KDM6B: variants seen among roughly 807,000 people sequenced by gnomAD.
KDM6B encodes lysine demethylase 6B.
KDM6B carries 22 observed loss-of-function variants against 150.4 expected under a neutral mutation model. The ratio of observed to expected loss-of-function variants is 0.15; its 90% CI spans 0.10 to 0.21. KDM6B has a LOEUF of 0.21. KDM6B is among the 10% of genes least tolerant of loss of function. The probability of loss-of-function intolerance (pLI) is 1.00; values close to 1 mark genes in which losing one functional copy is unlikely to be tolerated. For synonymous variants in KDM6B, 1,148 were observed against 921.1 expected (o/e 1.25, Z -4.46); for missense variants, 1,984 against 2,234.3 (o/e 0.89, Z 2.26).
Position 7,848,620 on chromosome 17 carries a change from C to T in KDM6B, c.2332C>T (p.Pro778Ser), listed in dbSNP as rs527352245. The T allele has an allele frequency of 7.5e-6, 12 of 1,596,818 alleles. No individual in the cohort carries two copies. In the South Asian group the frequency reaches 1.1e-4, roughly 15 times the overall value. ...EKKPPPALPP[P>S]PPLAKFPPPS... ...GAAGCCACCACCAGCCCTACCACCA[C>T]CACCGCCTCTAGCCAAGTTCCCTCC... Residue 778 changes from proline (P) to serine (S), a missense_variant, in exon 12 of 24, where the codon CCA becomes TCA. Transcript: ENST00000448097.
chr17:7,847,301 G>A lies in KDM6B; in HGVS notation c.1106G>A (p.Arg369Gln), dbSNP rs766668607. Residue 369 changes from arginine (R) to glutamine (Q), a missense_variant, in exon 11 of 24, where the codon CGG (arginine) becomes CAG (glutamine). By Grantham distance (43) the Arg-to-Gln change is conservative. This residue lies in a region of KDM6B where 1,379 missense variants were observed against 1,275.6 expected (regional missense o/e 1.08). Transcript: ENST00000448097. The stretch of plus-strand genomic sequence containing the variant: ...AGAGAGAGCAGAGTTCAGAGGTCGC[G>A]GATGGACTCCAGCGTTTCACCAGCA... ...DLRESRVQRS[R>Q]MDSSVSPAAT... The A allele has an allele frequency of 6.8e-6, 11 of 1,606,602 alleles. No individual in the cohort carries two copies. Among genetic ancestry groups the A allele is most frequent in the East Asian group, 2.2e-5 (1 of 44,826 alleles).
Position 7,845,624 on chromosome 17 carries a change from T to C in KDM6B, c.70T>C (p.Cys24Arg). 2 of 1,614,170 alleles carry C rather than the reference T, an allele frequency of 1.2e-6. No homozygotes were observed. The highest frequency in any genetic ancestry group is 1.7e-6 in the Non-Finnish European group (2 of 1,180,026). ...AGCCTTTGCCCTTGGGGGCCTGAGC[T>C]GTGCTGGGGCCTGGAGCTCCTGCCC... ...REAFALGGLSCAGAWSSCPPH... is the reference protein window; with the variant it reads ...REAFALGGLSRAGAWSSCPPH... The change falls in exon 5 of 24, where the codon TGT becomes CGT. Residue 24 changes from cysteine to arginine, a missense_variant. Cys to Arg is a radical substitution (Grantham distance 180). Transcript: ENST00000448097.
rs760306101 is a variant in KDM6B at position 7,852,118 on chromosome 17, A to G, written c.4281-31A>G. The G allele has an allele frequency of 8.1e-6, 13 of 1,613,850 alleles. No individual in the cohort carries two copies. In the Admixed American group the frequency reaches 2.2e-4, roughly 27 times the overall value. On this transcript the variant is annotated intron_variant, in intron 19 of 23. Coordinates refer to ENST00000448097, the MANE Select transcript of KDM6B (RefSeq NM_001348716.2). ...TGCCGCGTCCCCGCCCTCGGTCCCC[A>G]GTTCCCACCTGACCTGTGGCCACCC...
chr17:7,842,450 T>C (rs2078436870), intron 2 of KDM6B, among the ~76,000 whole-genome samples: 1 of 152,232 alleles, frequency 6.6e-6, no homozygotes, highest in South Asian at 2.1e-4. Context: ...CGCGTGCGTC[T>C]ACCTCTCGCC....
chr17:7,846,371 G>GGGGCGGGCCCGGGGGGCCCCCCCCCCCC, intron 7 of KDM6B, 29 bp from the exon 8 acceptor site: 1 of 1,488,926 alleles, frequency 6.7e-7, no homozygotes, highest in Non-Finnish European at 9.2e-7. Flanking sequence ...CCTGACATCT[G>GGGGCGGGCCCGGGGGGCCCCCCCCCCCC]CCCCTGCCCC....
In KDM6B at chr17:7,853,255, C is replaced by T. The variant is rs2078739398; in HGVS notation, c.4783C>T (p.Arg1595Cys). Reference protein sequence around the residue: ...ILFVTSENGSRNTYLVHCEGC... With the variant: ...ILFVTSENGSCNTYLVHCEGC... ...GTTCGTGACAAGTGAGAATGGCAGC[C>T]GCAACACGTACCTGGTACACTGCGA... is the stretch of plus-strand genomic sequence containing the variant. Residue 1595 changes from arginine (R) to cysteine (C), a missense_variant, in exon 23 of 24, where the codon CGC (arginine) becomes TGC (cysteine). Coordinates refer to ENST00000448097, the MANE Select transcript of KDM6B (RefSeq NM_001348716.2). 1.9e-6 allele frequency: 3 copies of T among 1,610,898 alleles called. No homozygotes were observed. Among genetic ancestry groups the T allele is most frequent in the African/African-American group, 1.3e-5 (1 of 74,898 alleles).
chr17:7,844,021 C>G lies in KDM6B; in HGVS notation c.-268-880C>G, dbSNP rs1220769641. On this transcript the variant is annotated intron_variant, in intron 2 of 23. Transcript: ENST00000448097. This position sits in a 1 kb window ranked among gnomAD's most constrained non-coding sequence, Gnocchi z 5.9. Reference sequence around the variant, plus strand: ...TGAGAGTGGGACAAGGGTGATGTCACTGCCTGTCGGGCCCCGCCCTCCTCC... The same window carrying G: ...TGAGAGTGGGACAAGGGTGATGTCAGTGCCTGTCGGGCCCCGCCCTCCTCC... 6.6e-6 allele frequency among the ~76,000 whole-genome samples: 1 copy of G among 151,554 alleles called. No individual in the cohort carries two copies. The highest frequency in any genetic ancestry group is 2.4e-5 in the African/African-American group (1 of 41,226).
In KDM6B at chr17:7,848,160, C is replaced by A. The variant is rs376598074; in HGVS notation, c.1872C>A (p.Arg624=). ...CHQNTSGSFR[R]PESPRPRVSF... The stretch of plus-strand genomic sequence containing the variant: ...AAAATACCTCAGGAAGCTTCAGGCG[C>A]CCGGAGAGCCCCCGGCCCAGGGTCT... Residue 624 remains arginine (R), a synonymous_variant, in exon 12 of 24, where the codon CGC becomes CGA. Coordinates refer to ENST00000448097, the MANE Select transcript of KDM6B (RefSeq NM_001348716.2). The A allele has an allele frequency of 1.3e-4, 203 of 1,612,788 alleles. No individual in the cohort carries two copies. The African/African-American group carries it at 2.1e-3, about 16-fold the overall frequency.
In KDM6B at chr17:7,843,784, C is replaced by T. The variant is rs1338346858; in HGVS notation, c.-268-1117C>T. On this transcript the variant is annotated intron_variant, in intron 2 of 23. Transcript: ENST00000448097. The surrounding 1 kb of genome is among the most constrained non-coding windows in gnomAD (Gnocchi z 4.5). ...CCCGGGAGCCGAGTCGGCTCCCTAC[C>T]TGCGGGGACGCCGGGTAGGCAAGGA... 6.6e-6 allele frequency among the ~76,000 whole-genome samples: 1 copy of T among 152,140 alleles called. No homozygotes were observed. Among genetic ancestry groups the T allele is most frequent in the Non-Finnish European group, 1.5e-5 (1 of 68,020 alleles).
rs772189187 is a variant in KDM6B at position 7,849,845 on chromosome 17, T to C, written c.3465T>C (p.Phe1155=). Residue 1155 remains phenylalanine, a synonymous_variant, in exon 13 of 24, where the codon TTT becomes TTC. Coordinates refer to ENST00000448097, the MANE Select transcript of KDM6B (RefSeq NM_001348716.2). ...GGAATGCCAAGGTGAAAGGGAAGTT[T>C]CGAGAGTCCTACCTTTCCCCTGCCC... ...ASRNAKVKGK[F]RESYLSPAQS... 1 of 1,613,188 alleles carries C rather than the reference T, an allele frequency of 6.2e-7. No individual in the cohort carries two copies.
chr17:7,847,593 T>C lies in KDM6B; in HGVS notation c.1305T>C (p.His435=), dbSNP rs758711112. ...YQTPALEVSH[H]GRLGPSAHSS... ...CTCCCGCGCTGGAGGTCTCTCACCA[T>C]GGCCGCCTGGGGCCCTCGGCACACA... The change falls in exon 12 of 24, where the codon CAT becomes CAC. Residue 435 remains histidine, a synonymous_variant. Coordinates refer to ENST00000448097, the MANE Select transcript of KDM6B (RefSeq NM_001348716.2). 1 of 1,612,628 alleles carries C rather than the reference T, an allele frequency of 6.2e-7. No homozygotes were observed. Among genetic ancestry groups the C allele is most frequent in the Non-Finnish European group, 8.5e-7 (1 of 1,179,694 alleles).
Position 7,843,596 on chromosome 17 carries a change from C to T in KDM6B, c.-268-1305C>T, listed in dbSNP as rs886709338. 1.3e-5 allele frequency among the ~76,000 whole-genome samples: 2 copies of T among 152,182 alleles called. No homozygotes were observed. The highest frequency in any genetic ancestry group is 4.8e-5 in the African/African-American group (2 of 41,460). ...TCCCCACAGCGCAGACTTCTCTCAA[C>T]GAACGCGAACTTTCCAGCCACCCCC... is the stretch of plus-strand genomic sequence containing the variant. On this transcript the variant is annotated intron_variant, in intron 2 of 23. Transcript: ENST00000448097. This position sits in a 1 kb window ranked among gnomAD's most constrained non-coding sequence, Gnocchi z 4.5.
intron 2 of KDM6B, among the ~76,000 whole-genome samples, chr17:7,841,851 T>TG (rs1459792964): frequency 6.6e-6 from 1 of 152,010 alleles, no homozygotes; most frequent in Non-Finnish European, 1.5e-5. Context: ...CCTGCCCGGG[T>TG]GGCTGAGTCA....
At chr17:7,840,976 G>C (rs1417670080) in intron 2 of KDM6B, among the ~76,000 whole-genome samples, 2 of 152,180 alleles carry the variant, frequency 1.3e-5, no homozygotes, top group Non-Finnish European at 2.9e-5. Context: ...AAGGGAGGGA[G>C]AGTAGGACAG....
intron 11 of KDM6B, 31 bp from the exon 12 acceptor site, chr17:7,847,515 A>G (rs1284773388): frequency 1.2e-6 from 2 of 1,612,798 alleles, no homozygotes; most frequent in South Asian, 2.2e-5. Flanking sequence ...AGCCCGAGCA[A>G]TGCTCCTACC....
At chr17:7,835,724 T>G (rs1403568120) in intron 1 of KDM6B, among the ~76,000 whole-genome samples, 1 of 151,954 alleles carries the variant, frequency 6.6e-6, no homozygotes, top group Non-Finnish European at 1.5e-5. Context: ...GACCCGCACG[T>G]GCACTCCCAC....
rs1031819548 is a variant in KDM6B at position 7,852,987 on chromosome 17, C to T, written c.4611-13C>T. ...CTTGCCGGTGGTCTCAACACAACCCCACTGCTCCCCAGGTTCTGCCTGCTG... is the reference window on the plus strand; with the variant it reads ...CTTGCCGGTGGTCTCAACACAACCCTACTGCTCCCCAGGTTCTGCCTGCTG... On this transcript the variant is annotated splice_polypyrimidine_tract_variant and intron_variant, in intron 21 of 23. Coordinates refer to ENST00000448097, the MANE Select transcript of KDM6B (RefSeq NM_001348716.2). The T allele has an allele frequency of 1.9e-6, 3 of 1,613,690 alleles. No homozygotes were observed. Among genetic ancestry groups the T allele is most frequent in the South Asian group, 2.2e-5 (2 of 90,916 alleles).
intron 20 of KDM6B, 46 bp from the exon 21 acceptor site, chr17:7,852,449 C>T (rs368035570): frequency 1.7e-5 from 26 of 1,561,658 alleles, no homozygotes; most frequent in African/African-American, 2.7e-5. Context: ...GCCTAGGTGT[C>T]TGGGGGCTGT....
rs2078510333 is a variant in KDM6B at position 7,845,362 on chromosome 17, CTT to C, written c.-99_-98del. 1 of 712,826 alleles carries C rather than the reference CTT, an allele frequency of 1.4e-6. No individual in the cohort carries two copies. Among genetic ancestry groups the C allele is most frequent in the African/African-American group, 1.8e-5 (1 of 56,982 alleles). 44.2% of individuals were successfully genotyped at this position (712,826 alleles called of 1,614,324 possible). ...CAGCCATCTGGGGGTAGCGGGCACT[CTT>C]ATCAGAGCGGCTGGAGCCGGACCAT... On this transcript the variant is annotated 5_prime_UTR_variant, in exon 4 of 24. Coordinates refer to ENST00000448097, the MANE Select transcript of KDM6B (RefSeq NM_001348716.2).
Sources: gnomAD v4.1 joint callset for allele counts (sites outside exome capture counted in the v4.1 genomes callset) on GRCh38, gnomAD v4.1.1 for gene constraint, gnomAD v4.1.1 regional missense constraint, Gnocchi (gnomAD v3.1) non-coding constraint, MANE v1.5 for transcripts, NCBI Gene and HGNC (gene_info 2026-07-23, HGNC 2026-07-21) for gene names.